Variants in MAML2 observed in about 807,000 individuals in gnomAD.
MAML2 encodes mastermind-like protein 2.
MAML2 carries 22 observed loss-of-function variants against 96.1 expected under a neutral mutation model. The ratio of observed to expected loss-of-function variants is 0.23; its 90% CI spans 0.16 to 0.33. The LOEUF (loss-of-function observed/expected upper bound fraction) is 0.33, where lower values mean the gene tolerates loss of function less well. MAML2 is among the 10% of genes least tolerant of loss of function. The pLI, the probability that MAML2 is intolerant of heterozygous loss-of-function variation, is 1.00. For missense variants in MAML2, 1,367 were observed against 1,392.4 expected (o/e 0.98, Z 0.29); for synonymous variants, 561 against 521.3 (o/e 1.08, Z -1.04).
intron 1 of MAML2, among the ~76,000 whole-genome samples, chr11:96,297,710 CCAT>C (rs2135995799): frequency 6.6e-6 from 1 of 152,174 alleles, no homozygotes; most frequent in East Asian, 1.9e-4. Context: ...CCCCATATAC[CCAT>C]CAACTAGATT....
At chr11:96,164,654 T>C (rs943031053) in intron 1 of MAML2, among the ~76,000 whole-genome samples, 2 of 152,130 alleles carry the variant, frequency 1.3e-5, no homozygotes, top group African/African-American at 4.8e-5. Flanking sequence ...AACAAATCCC[T>C]GAACACAACA....
At chr11:96,258,788 T>C (rs1424226940) in intron 1 of MAML2, among the ~76,000 whole-genome samples, 2 of 152,192 alleles carry the variant, frequency 1.3e-5, no homozygotes, top group African/African-American at 2.4e-5. Context: ...AGAGAGCCAA[T>C]GGGAGTCAGC....
At chr11:96,044,239 G>T (rs1183685378) in intron 2 of MAML2, among the ~76,000 whole-genome samples, 1 of 152,194 alleles carries the variant, frequency 6.6e-6, no homozygotes, top group Non-Finnish European at 1.5e-5. Context: ...GAAGGGTTTT[G>T]GTGGTGGACT....
At chr11:96,018,609 G>A (rs1268278918) in intron 2 of MAML2, among the ~76,000 whole-genome samples, 3 of 152,126 alleles carry the variant, frequency 2.0e-5, no homozygotes, top group Admixed American at 6.5e-5. Context: ...TAATGGATTC[G>A]ATGTTCCTGA....
At chr11:96,240,923 A>G (rs1862430319) in intron 1 of MAML2, among the ~76,000 whole-genome samples, 1 of 152,208 alleles carries the variant, frequency 6.6e-6, no homozygotes, top group Non-Finnish European at 1.5e-5. Flanking sequence ...AATATATAAT[A>G]ATTCCCTGTA....
intron 1 of MAML2, among the ~76,000 whole-genome samples, chr11:96,172,927 C>G (rs1861320832): frequency 3.3e-5 from 5 of 152,214 alleles, no homozygotes; most frequent in Admixed American, 3.3e-4. Flanking sequence ...GAACACCACA[C>G]ACTGAATCAG....
chr11:96,274,077 CTT>C (rs992096555), intron 1 of MAML2, among the ~76,000 whole-genome samples: 321 of 91,760 alleles, frequency 3.5e-3, no homozygotes, highest in Non-Finnish European at 5.5e-3. Context: ...TTTCCTTTTC[CTT>C]TTTTTTTTTT....
intron 1 of MAML2, among the ~76,000 whole-genome samples, chr11:96,164,619 T>C (rs959068314): frequency 4.6e-5 from 7 of 152,104 alleles, no homozygotes; most frequent in African/African-American, 1.2e-4. Context: ...ACCTATTCCA[T>C]AGCAGGAGGC....
intron 2 of MAML2, among the ~76,000 whole-genome samples, chr11:96,004,249 A>C (rs989478459): frequency 2.0e-5 from 3 of 151,460 alleles, no homozygotes; most frequent in Admixed American, 6.6e-5. Context: ...AAGGCAATTC[A>C]GTAAATGAGT....
chr11:96,070,004 C>T (rs887187970), intron 2 of MAML2, among the ~76,000 whole-genome samples: 2 of 150,212 alleles, frequency 1.3e-5, no homozygotes, highest in Non-Finnish European at 3.0e-5. Context: ...AGCCTGGTGA[C>T]AGAGTGAGAC....
chr11:96,028,452 C>T (rs1858559111), intron 2 of MAML2, among the ~76,000 whole-genome samples: 1 of 152,202 alleles, frequency 6.6e-6, no homozygotes, highest in African/African-American at 2.4e-5. Context: ...TCCTCTAAAT[C>T]CCTCTGTCAT....
At position 96,092,051 on chromosome 11, in the gene MAML2, C is replaced by T. The variant is rs1591007004; in HGVS notation, c.1980G>A (p.Gln660=). The T allele has an allele frequency of 2.6e-6, 4 of 1,553,008 alleles. No homozygotes were observed. Among genetic ancestry groups the T allele is most frequent in the African/African-American group, 2.8e-5 (2 of 72,408 alleles). The change falls in exon 2 of 5, where the codon CAG becomes CAA. Residue 660 remains glutamine, a synonymous_variant. Coordinates refer to ENST00000524717, the MANE Select transcript of MAML2 (RefSeq NM_032427.4). The surrounding 1 kb of genome is among the most constrained non-coding windows in gnomAD (Gnocchi z 4.1). ...GAGAAGATGGTTGTTGCTGCTGCTG[C>T]TGCTGCTGTTGTTGCTGTTGTTGTT... ...QQQQQQQQQQ[Q]QQQQQPSSQP...
intron 2 of MAML2, among the ~76,000 whole-genome samples, chr11:96,090,512 C>A (rs371707938): frequency 6.6e-6 from 1 of 152,106 alleles, no homozygotes; most frequent in Non-Finnish European, 1.5e-5. Context: ...AGAATTTGAA[C>A]CTACATTCAT....
chr11:96,191,481 TA>T lies in MAML2; in HGVS notation c.514-97965del, dbSNP rs1321362825. ...ATCCGTCTCAAAAAAATAACAATAA[TA>T]AAAAAAAAAAGGGCCGGGAGCGGTG... On this transcript the variant is annotated intron_variant, in intron 1 of 4. Transcript: ENST00000524717. Among the ~76,000 whole-genome samples the T allele has an allele frequency of 2.2e-5, 3 of 138,310 alleles. 1 individual carries two copies. Among genetic ancestry groups the T allele is most frequent in the Admixed American group, 2.2e-4 (3 of 13,864 alleles). 90.7% of individuals were successfully genotyped at this position (138,310 alleles called of 152,430 possible).
intron 1 of MAML2, among the ~76,000 whole-genome samples, chr11:96,238,903 C>T (rs886448704): frequency 6.6e-6 from 1 of 152,176 alleles, no homozygotes; most frequent in Non-Finnish European, 1.5e-5. Flanking sequence ...AGTAAGTAGC[C>T]ACTTTGGGTT....
intron 2 of MAML2, among the ~76,000 whole-genome samples, chr11:96,000,763 G>C (rs1475758659): frequency 6.6e-6 from 1 of 152,170 alleles, no homozygotes; most frequent in Non-Finnish European, 1.5e-5. Flanking sequence ...TTAAGGAATT[G>C]ACTTGCACAA....
chr11:96,056,231 G>A (rs574836369), intron 2 of MAML2, among the ~76,000 whole-genome samples: 60 of 152,308 alleles, frequency 3.9e-4, no homozygotes, highest in African/African-American at 1.3e-3. Flanking sequence ...ATTTGTGAGT[G>A]TGAGTCATAA....
rs71040128 is a variant in MAML2 at position 96,068,915 on chromosome 11, CTTTTTTTT to C, written c.2139+22969_2139+22976del. 3.8e-5 allele frequency among the ~76,000 whole-genome samples: 4 copies of C among 106,504 alleles called. No individual in the cohort carries two copies. The East Asian group carries it at 8.3e-4, about 22-fold the overall frequency. The allele number at this position is 106,504 out of a possible 152,430, so 69.9% of individuals were successfully genotyped here. On this transcript the variant is annotated intron_variant, in intron 2 of 4. Coordinates refer to ENST00000524717, the MANE Select transcript of MAML2 (RefSeq NM_032427.4). ...ATAATTTTTCCTTCCTTCTTCCCTC[CTTTTTTTT>C]TTTTTTTTTTTTTTTAAAGAGACAG...
chr11:96,171,097 C>T (rs1026109748), intron 1 of MAML2, among the ~76,000 whole-genome samples: 1 of 152,096 alleles, frequency 6.6e-6, no homozygotes, highest in South Asian at 2.1e-4. Flanking sequence ...TTTCCTCTCT[C>T]TTACCTCCAC....
Sources: gnomAD v4.1 joint callset for allele counts (sites outside exome capture counted in the v4.1 genomes callset) on GRCh38, gnomAD v4.1.1 for gene constraint, Gnocchi (gnomAD v3.1) non-coding constraint, MANE v1.5 for transcripts, NCBI Gene and HGNC (gene_info 2026-07-23, HGNC 2026-07-21) for gene names.